The following TSGA10 variants were observed in gnomAD, a reference collection of about 807,000 sequenced individuals.
The protein encoded by TSGA10 is testis specific 10, also known as testis-specific gene 10 protein.
A neutral mutation model predicts 96.6 loss-of-function variants in TSGA10; 43 were observed. That is an observed-to-expected ratio of 0.44 (90% CI 0.35 to 0.57). TSGA10 has a LOEUF of 0.57. Ranked by LOEUF, TSGA10 falls within the 20% of genes least tolerant of loss-of-function variation. The pLI is 0.01. For synonymous variants in TSGA10, 229 were observed against 269.9 expected (o/e 0.85, Z 1.48); for missense variants, 703 against 834.4 (o/e 0.84, Z 1.94).
At chr2:99,090,354 A>G (rs6753650) in intron 10 of TSGA10, among the ~76,000 whole-genome samples, 85,689 of 151,850 alleles carry the variant, frequency 0.56, 24,904 homozygotes, top group Middle Eastern at 0.73. Flanking sequence ...GACAAAACAA[A>G]GTTCTTTAAC....
At chr2:99,151,708 C>T (rs1310074104) in intron 1 of TSGA10, among the ~76,000 whole-genome samples, 2 of 152,000 alleles carry the variant, frequency 1.3e-5, no homozygotes, top group African/African-American at 4.8e-5. Context: ...CTGCTTTTTC[C>T]CCCCACATAG....
At chr2:99,032,351 C>G (rs2081213055) in intron 17 of TSGA10, among the ~76,000 whole-genome samples, 2 of 152,170 alleles carry the variant, frequency 1.3e-5, no homozygotes, top group South Asian at 2.1e-4. Flanking sequence ...AGACTATCAA[C>G]AAAAGGAACG....
chr2:99,103,939 T>C (rs1226327060), intron 10 of TSGA10, 28 bp downstream of exon 10: 1 of 1,610,072 alleles, frequency 6.2e-7, no homozygotes, highest in Admixed American at 1.7e-5. Context: ...TAGTAAACTG[T>C]TGGTTGTTTA....
chr2:99,133,680 T>C (rs2093204615), intron 1 of TSGA10, among the ~76,000 whole-genome samples: 1 of 152,228 alleles, frequency 6.6e-6, no homozygotes, highest in South Asian at 2.1e-4. Flanking sequence ...CTTCATAGTG[T>C]TGATGGTCTT....
intron 1 of TSGA10, among the ~76,000 whole-genome samples, chr2:99,132,038 G>A (rs1294109588): frequency 6.6e-6 from 1 of 151,968 alleles, no homozygotes; most frequent in Non-Finnish European, 1.5e-5. Context: ...ATTTTATTGA[G>A]GATTTTCACA....
At chr2:99,052,518 C>A (rs1413488823) in intron 16 of TSGA10, among the ~76,000 whole-genome samples, 1 of 151,980 alleles carries the variant, frequency 6.6e-6, no homozygotes, top group African/African-American at 2.4e-5. Flanking sequence ...GAGGGCGGAT[C>A]ACGAGGTCAG....
chr2:99,067,516 A>G (rs1558904181), intron 15 of TSGA10, among the ~76,000 whole-genome samples: 2 of 152,202 alleles, frequency 1.3e-5, no homozygotes, highest in Non-Finnish European at 2.9e-5. Context: ...GACAAGGGAG[A>G]TAAAGGGAAG....
At position 99,046,051 on chromosome 2, in the gene TSGA10, A is replaced by T. The variant is rs139844513; in HGVS notation, c.1405-10612T>A. Reference sequence around the variant, plus strand: ...TCCTAAATATATATGTACCCAATACAGGAGCACCCAGATGAATAAAGCAAG... The same window carrying T: ...TCCTAAATATATATGTACCCAATACTGGAGCACCCAGATGAATAAAGCAAG... On this transcript the variant is annotated intron_variant, in intron 16 of 20. Transcript: ENST00000393483. Among the ~76,000 whole-genome samples the T allele has an allele frequency of 3.2e-3, 482 of 152,340 alleles. 2 individuals are homozygous for T. Among genetic ancestry groups the T allele is most frequent in the African/African-American group, 0.01 (433 of 41,576 alleles).
intron 1 of TSGA10, among the ~76,000 whole-genome samples, chr2:99,153,576 C>T (rs1041926971): frequency 6.6e-6 from 1 of 152,174 alleles, no homozygotes; most frequent in Non-Finnish European, 1.5e-5. Context: ...GAAAAAAAAC[C>T]AAAGTTGTAC....
intron 2 of TSGA10, among the ~76,000 whole-genome samples, chr2:99,122,495 T>A (rs960165362): frequency 2.3e-4 from 35 of 151,444 alleles, no homozygotes; most frequent in African/African-American, 8.5e-4. Flanking sequence ...AAAAAAAAAT[T>A]TGAATCGGAG....
chr2:99,064,294 A>G (rs2085019875), intron 16 of TSGA10, among the ~76,000 whole-genome samples: 1 of 152,220 alleles, frequency 6.6e-6, no homozygotes. Flanking sequence ...TATTTATACA[A>G]TGAATATATG....
intron 16 of TSGA10, among the ~76,000 whole-genome samples, chr2:99,040,622 A>G (rs139969098): frequency 0.012 from 1,841 of 152,344 alleles, 38 homozygotes; most frequent in African/African-American, 0.042. Flanking sequence ...CATTTATGAC[A>G]CAAACAAATG....
In TSGA10 at chr2:99,041,611, A is replaced by G. The variant is rs546564566; in HGVS notation, c.1405-6172T>C. On this transcript the variant is annotated intron_variant, in intron 16 of 20. Transcript: ENST00000393483. ...CACCTTATTCAACAAAATGGTGCTG[A>G]GATAATTGGCAAGCTATATGTAGAA... Among the ~76,000 whole-genome samples the G allele has an allele frequency of 2.0e-5, 3 of 152,268 alleles. No individual in the cohort carries two copies. The East Asian group carries it at 5.8e-4, about 29-fold the overall frequency.
intron 17 of TSGA10, among the ~76,000 whole-genome samples, chr2:99,023,093 T>G (rs983109756): frequency 1.3e-5 from 2 of 152,168 alleles, no homozygotes; most frequent in African/African-American, 4.8e-5. Flanking sequence ...TGAAGATGGC[T>G]CACTGAAGTA....
At chr2:99,110,023 G>A (rs2091666161) in intron 5 of TSGA10, among the ~76,000 whole-genome samples, 2 of 152,134 alleles carry the variant, frequency 1.3e-5, no homozygotes, top group South Asian at 4.1e-4. Context: ...AAATTAGCTG[G>A]GCATGGTGGC....
At position 99,060,448 on chromosome 2, in the gene TSGA10, A is replaced by G. The variant is rs183071952; in HGVS notation, c.1404+4491T>C. On this transcript the variant is annotated intron_variant, in intron 16 of 20. Transcript: ENST00000393483. ...TTGAGAGAAATAAAAGACCTGCCTA[A>G]ATAAATAAATGAGTGGATACACCAT... Among the ~76,000 whole-genome samples the G allele has an allele frequency of 8.5e-5, 13 of 152,302 alleles. No homozygotes were observed. The East Asian group carries it at 2.5e-3, about 29-fold the overall frequency.
At chr2:99,142,156 C>T (rs1310819160) in intron 1 of TSGA10, 1 of 152,228 alleles carries the variant, frequency 6.6e-6, no homozygotes, top group Non-Finnish European at 1.5e-5. Context: ...ATTCTTCTAC[C>T]AATTTTTTGG....
intron 20 of TSGA10, among the ~76,000 whole-genome samples, chr2:99,010,988 C>T (rs531314415): frequency 6.6e-6 from 1 of 152,260 alleles, no homozygotes; most frequent in Non-Finnish European, 1.5e-5. Context: ...GCAGAGGTGG[C>T]CAAGATCCCC....
At chr2:99,040,519 A>C (rs1337724076) in intron 16 of TSGA10, among the ~76,000 whole-genome samples, 1 of 152,138 alleles carries the variant, frequency 6.6e-6, no homozygotes, top group East Asian at 1.9e-4. Context: ...AAAACAAAAA[A>C]CAAAAAACAA....
Sources: allele counts gnomAD v4.1 joint callset (sites outside exome capture counted in the v4.1 genomes callset), GRCh38; gene constraint gnomAD v4.1.1; transcripts MANE v1.5; gene names NCBI Gene and HGNC (gene_info 2026-07-23, HGNC 2026-07-21).